The following NRXN1 variants were observed in gnomAD, a reference collection of about 807,000 sequenced individuals.
The protein encoded by NRXN1 is neurexin 1.
Under a neutral mutation model 150.9 loss-of-function variants are expected in NRXN1, and 39 were observed. The ratio of observed to expected loss-of-function variants is 0.26; its 90% CI spans 0.20 to 0.34. The LOEUF (loss-of-function observed/expected upper bound fraction) is 0.34. NRXN1 is among the 10% of genes least tolerant of loss of function. The pLI is 1.00. For synonymous variants in NRXN1, 924 were observed against 757.0 expected, an observed-to-expected ratio of 1.22 and a Z score of -3.62; for missense variants, 1,815 against 1,949.9, an observed-to-expected ratio of 0.93 and a Z score of 1.30.
intron 5 of NRXN1, among the ~76,000 whole-genome samples, chr2:50,808,265 T>C (rs907065845): frequency 6.6e-6 from 1 of 152,078 alleles, no homozygotes; most frequent in African/African-American, 2.4e-5. Flanking sequence ...AAAGAAGCAA[T>C]GAAAAATAAA....
chr2:50,366,727 C>T (rs1054195990), intron 17 of NRXN1, among the ~76,000 whole-genome samples: 3 of 151,938 alleles, frequency 2.0e-5, no homozygotes, highest in Admixed American at 1.3e-4. Context: ...TCCTGTTGCT[C>T]TCAATGCAGA....
intron 5 of NRXN1, among the ~76,000 whole-genome samples, chr2:50,712,649 G>T (rs965007143): frequency 6.6e-6 from 1 of 152,030 alleles, no homozygotes; most frequent in South Asian, 2.1e-4. Flanking sequence ...ATCACAACAG[G>T]GTTCTCACTT....
At chr2:50,320,269 T>C (rs2152973191) in intron 17 of NRXN1, among the ~76,000 whole-genome samples, 1 of 119,576 alleles carries the variant, frequency 8.4e-6, no homozygotes, top group African/African-American at 3.1e-5. Context: ...ATTCATTTAT[T>C]CTTATACCTC....
At chr2:50,000,043 C>T (rs1683645610) in intron 21 of NRXN1, among the ~76,000 whole-genome samples, 2 of 152,164 alleles carry the variant, frequency 1.3e-5, no homozygotes, top group African/African-American at 4.8e-5. Flanking sequence ...CACTGAACTT[C>T]CCCTAACTGA....
chr2:50,510,893 G>A (rs985865449), intron 12 of NRXN1, among the ~76,000 whole-genome samples: 7 of 152,240 alleles, frequency 4.6e-5, no homozygotes, highest in Non-Finnish European at 7.4e-5. Context: ...ACAGGCTAAT[G>A]TTATATTAAA....
At chr2:49,937,475 TCTTCTA>T (rs1671251161) in intron 22 of NRXN1, among the ~76,000 whole-genome samples, 1 of 152,232 alleles carries the variant, frequency 6.6e-6, no homozygotes, top group South Asian at 2.1e-4. Flanking sequence ...GTGATAAATC[TCTTCTA>T]CTTTAACCAT....
intron 18 of NRXN1, among the ~76,000 whole-genome samples, chr2:50,154,937 GATTAT>G (rs1460103328): frequency 1.3e-5 from 2 of 151,344 alleles, no homozygotes; most frequent in African/African-American, 2.4e-5. Context: ...TTGCCCAATA[GATTAT>G]ATTAAACAAC....
At chr2:50,606,886 G>A (rs527607776) in intron 8 of NRXN1, among the ~76,000 whole-genome samples, 187 of 152,166 alleles carry the variant, frequency 1.2e-3, no homozygotes, top group Middle Eastern at 6.8e-3. Context: ...TATTCCACTT[G>A]ACATTTAATT....
chr2:50,581,166 G>A (rs995439936), intron 8 of NRXN1, among the ~76,000 whole-genome samples: 2 of 152,064 alleles, frequency 1.3e-5, no homozygotes, highest in African/African-American at 4.8e-5. Flanking sequence ...AGTGATTTTT[G>A]TCTATCTGCT....
chr2:50,150,951 C>T (rs1274914918), intron 18 of NRXN1, among the ~76,000 whole-genome samples: 1 of 151,712 alleles, frequency 6.6e-6, no homozygotes, highest in Admixed American at 6.6e-5. Flanking sequence ...CTATTCCCAT[C>T]TTTATCCTGG....
chr2:50,993,384 T>C (rs929696998), intron 2 of NRXN1, among the ~76,000 whole-genome samples: 6 of 151,914 alleles, frequency 3.9e-5, no homozygotes, highest in Non-Finnish European at 7.4e-5. Flanking sequence ...TATAGTACTT[T>C]TTTATTTATC....
chr2:50,730,672 C>CTTTTTTTTTT (rs56042523), intron 5 of NRXN1, among the ~76,000 whole-genome samples: 29 of 122,004 alleles, frequency 2.4e-4, no homozygotes, highest in African/African-American at 2.8e-4. Context: ...TTCTTGTTTT[C>CTTTTTTTTTT]TTTTTTTTTT....
At chr2:49,930,149 C>A (rs568744489) in intron 22 of NRXN1, among the ~76,000 whole-genome samples, 1 of 152,084 alleles carries the variant, frequency 6.6e-6, no homozygotes. Flanking sequence ...GTGGTTGTAG[C>A]ACAGTGAGAT....
chr2:50,741,149 T>C (rs1699372843), intron 5 of NRXN1, among the ~76,000 whole-genome samples: 1 of 152,160 alleles, frequency 6.6e-6, no homozygotes, highest in South Asian at 2.1e-4. Context: ...CTCATTATCT[T>C]ATTTGGCTGT....
intron 21 of NRXN1, among the ~76,000 whole-genome samples, chr2:50,014,095 G>GTT (rs200994555): frequency 4.7e-5 from 7 of 148,606 alleles, no homozygotes; most frequent in East Asian, 4.0e-4. Flanking sequence ...TAAAGAGCTT[G>GTT]TTTTTTTTTT....
rs1384843853 is a variant in NRXN1 at position 50,828,265 on chromosome 2, C to A, written c.832+93604G>T. 2.6e-3 allele frequency among the ~76,000 whole-genome samples: 373 copies of A among 140,800 alleles called. 1 individual carries two copies. The highest frequency in any genetic ancestry group is 3.6e-3 in the Non-Finnish European group (234 of 64,798). 92.4% of individuals were successfully genotyped at this position (140,800 alleles called of 152,430 possible). A position where few individuals can be genotyped will look rare whatever the true frequency, so the allele number is the denominator to read the frequency against. ...CTCCCGGACGGGGCGGCTGGCCGGG[C>A]GGGGGGCTGACCCCCCCCACCTCCC... On this transcript the variant is annotated intron_variant, in intron 5 of 22. Coordinates refer to ENST00000401669, the MANE Select transcript of NRXN1 (RefSeq NM_001330078.2).
At chr2:50,201,718 G>A (rs1007425521) in intron 18 of NRXN1, among the ~76,000 whole-genome samples, 1 of 152,174 alleles carries the variant, frequency 6.6e-6, no homozygotes, top group African/African-American at 2.4e-5. Flanking sequence ...GTTTTTAAGA[G>A]TTAGTAATTC....
At position 51,027,609 on chromosome 2, in the gene NRXN1, T is replaced by G; in HGVS notation, c.665A>C (p.Glu222Ala). 1 of 1,593,602 alleles carries G rather than the reference T, an allele frequency of 6.3e-7. No homozygotes were observed. The highest frequency in any genetic ancestry group is 8.5e-7 in the Non-Finnish European group (1 of 1,170,278). Reference sequence around the variant, plus strand: ...GTTGAGGCACACCCCGCCCTCGCCCTCCTCGCCCGCCTCGCACGGGCTTCC... The same window carrying G: ...GTTGAGGCACACCCCGCCCTCGCCCGCCTCGCCCGCCTCGCACGGGCTTCC... ...GGGSPCEAGEEGEGGVCLNGG... is the reference protein window; with the variant it reads ...GGGSPCEAGEAGEGGVCLNGG... The change falls in exon 2 of 23, where the codon GAG (glutamate) becomes GCG (alanine). Residue 222 changes from glutamate (E) to alanine (A), a missense_variant. Around this residue, in one of 6 missense-constraint regions of NRXN1, gnomAD observed 554 missense variants for 478.8 expected, o/e 1.16. Coordinates refer to ENST00000401669, the MANE Select transcript of NRXN1 (RefSeq NM_001330078.2).
chr2:50,884,582 T>C (rs72823541), intron 5 of NRXN1, among the ~76,000 whole-genome samples: 5,523 of 151,708 alleles, frequency 0.036, 183 homozygotes, highest in East Asian at 0.086. Context: ...GTATCCAGCA[T>C]TGTAGCTTCG....
Sources: gnomAD v4.1 joint callset for allele counts (sites outside exome capture counted in the v4.1 genomes callset) on GRCh38, gnomAD v4.1.1 for gene constraint, gnomAD v4.1.1 regional missense constraint, MANE v1.5 for transcripts, NCBI Gene and HGNC (gene_info 2026-07-23, HGNC 2026-07-21) for gene names.